AK2: variants seen among roughly 807,000 people sequenced by gnomAD.
The protein encoded by AK2 is adenylate kinase 2, mitochondrial.
Under a neutral mutation model 24.6 loss-of-function variants are expected in AK2, and 15 were observed. The observed-to-expected ratio is 0.61, with a 90% CI of 0.41 to 0.94. The LOEUF (loss-of-function observed/expected upper bound fraction) is 0.94, where lower values mean the gene tolerates loss of function less well. Among genes scored for constraint, AK2 ranks in the 40% least tolerant of loss-of-function variants. The probability of loss-of-function intolerance (pLI) is 0.00; values close to 1 mark genes in which losing one functional copy is unlikely to be tolerated. For missense variants in AK2, 257 were observed against 304.1 expected (o/e 0.85, Z 1.15); for synonymous variants, 102 against 114.0 (o/e 0.90, Z 0.67).
Position 33,011,911 on chromosome 1 carries a change from GT to G in AK2, c.*1269del. The G allele has an allele frequency of 6.5e-7, 1 of 1,532,116 alleles. No individual in the cohort carries two copies. The highest frequency in any genetic ancestry group is 8.7e-7 in the Non-Finnish European group (1 of 1,145,732). 94.9% of individuals were successfully genotyped at this position (1,532,116 alleles called of 1,614,324 possible). ...AAGGGTTGGATCTAGAAAGGAGAGGGTTTGGGCTTAAAAAGAACATATCTGA... is the reference window on the plus strand; with the variant it reads ...AAGGGTTGGATCTAGAAAGGAGAGGGTTGGGCTTAAAAAGAACATATCTGA... On this transcript the variant is annotated 3_prime_UTR_variant, in exon 6 of 6. Transcript: ENST00000672715.
At chr1:33,017,398 C>A (rs190003459) in intron 4 of AK2, among the ~76,000 whole-genome samples, 102 of 152,210 alleles carry the variant, frequency 6.7e-4, no homozygotes, top group Non-Finnish European at 1.1e-3. Context: ...CTGGGAGACC[C>A]AGGGAAAGGA....
At chr1:33,028,720 G>C (rs1312371949) in intron 1 of AK2, among the ~76,000 whole-genome samples, 3 of 152,076 alleles carry the variant, frequency 2.0e-5, no homozygotes, top group Admixed American at 6.6e-5. Context: ...AAAACTCTGT[G>C]GGGTGGAGGA....
intron 2 of AK2, among the ~76,000 whole-genome samples, chr1:33,022,985 G>A (rs1639650450): frequency 6.6e-6 from 1 of 152,082 alleles, no homozygotes; most frequent in Non-Finnish European, 1.5e-5. Context: ...TACATGAAGG[G>A]AAAACTAGAT....
In AK2 at chr1:33,021,703, C is replaced by T. The variant is rs1639569888; in HGVS notation, c.220G>A (p.Val74Met). ...LKATMDAGKL[V>M]SDEMVVELIE... ...AGCTCCACTACCATTTCATCACTCA[C>T]CTGGAAGTTAGGAACAAAATAGCCT... The change falls in exon 3 of 6, where the codon GTG (valine) becomes ATG (methionine). Residue 74 changes from valine (V) to methionine (M), a missense_variant and splice_region_variant. Val to Met is a conservative substitution (Grantham distance 21). Coordinates refer to ENST00000672715, the MANE Select transcript of AK2 (RefSeq NM_001625.4). The T allele has an allele frequency of 6.2e-7, 1 of 1,612,120 alleles. No individual in the cohort carries two copies. The highest frequency in any genetic ancestry group is 8.5e-7 in the Non-Finnish European group (1 of 1,178,172).
At position 33,024,555 on chromosome 1, in the gene AK2, C is replaced by T; in HGVS notation, c.106G>A (p.Ala36Thr). The T allele has an allele frequency of 6.2e-7, 1 of 1,614,118 alleles. No individual in the cohort carries two copies. The highest frequency in any genetic ancestry group is 1.7e-4 in the Middle Eastern group (1 of 6,060). The change falls in exon 2 of 6, where the codon GCT becomes ACT. Residue 36 changes from alanine (A) to threonine (T), a missense_variant. Ala to Thr is a moderately conservative substitution (Grantham distance 58). Transcript: ENST00000672715. ...AAATGGCAGACACAGAAGTTTTCAG[C>T]CAATCTGGGTGCCTACAGAGAGGAA... Reference protein sequence around the residue: ...AGKGTQAPRLAENFCVCHLAT... With the variant: ...AGKGTQAPRLTENFCVCHLAT...
chr1:33,012,231 C>T lies in AK2; in HGVS notation c.*950G>A, dbSNP rs1380186393. On this transcript the variant is annotated 3_prime_UTR_variant, in exon 6 of 6. Coordinates refer to ENST00000672715, the MANE Select transcript of AK2 (RefSeq NM_001625.4). ...ATTCCCAAATAATTGCTATTTTCAG[C>T]ATCATGATGCAGATCACAAAAATAT... 3.3e-6 allele frequency: 5 copies of T among 1,534,594 alleles called. No homozygotes were observed. The East Asian group carries it at 9.8e-5, about 30-fold the overall frequency.
At chr1:33,025,525 G>A (rs897220859) in intron 1 of AK2, among the ~76,000 whole-genome samples, 1 of 152,196 alleles carries the variant, frequency 6.6e-6, no homozygotes, top group Non-Finnish European at 1.5e-5. Flanking sequence ...GAAGGTAGCT[G>A]TGAGGATTAG....
Position 33,009,842 on chromosome 1 carries a change from T to G in AK2, c.*3339A>C. On this transcript the variant is annotated 3_prime_UTR_variant, in exon 6 of 6. Coordinates refer to ENST00000672715, the MANE Select transcript of AK2 (RefSeq NM_001625.4). Reference sequence around the variant, plus strand: ...GCTGCCAGCGACAAGAAAGGGCTTCTTTTCCTTCCAGCCAGGTCCAGAATT... The same window carrying G: ...GCTGCCAGCGACAAGAAAGGGCTTCGTTTCCTTCCAGCCAGGTCCAGAATT... The G allele has an allele frequency of 2.2e-6, 1 of 454,484 alleles. No homozygotes were observed. Among genetic ancestry groups the G allele is most frequent in the Non-Finnish European group, 4.4e-6 (1 of 226,788 alleles). 28.2% of individuals were successfully genotyped at this position (454,484 alleles called of 1,614,324 possible). A position where few individuals can be genotyped will look rare whatever the true frequency, so the allele number is the denominator to read the frequency against.
At chr1:33,016,276 GT>G (rs1639179591) in intron 4 of AK2, among the ~76,000 whole-genome samples, 1 of 152,052 alleles carries the variant, frequency 6.6e-6, no homozygotes, top group South Asian at 2.1e-4. Context: ...CAGTGGCGCG[GT>G]CTCTGCTCAC....
rs548243049 is a variant in AK2 at position 33,014,184 on chromosome 1, T to C, written c.498+338A>G. ...GTGCCACACTCTTCCCACTCTCCAA[T>C]TGTAGGCTTTTAAGAAAGCTTCTCC... On this transcript the variant is annotated intron_variant, in intron 5 of 5. Transcript: ENST00000672715. Among the ~76,000 whole-genome samples, 3 of 152,352 alleles carry C rather than the reference T, an allele frequency of 2.0e-5. No individual in the cohort carries two copies. In the East Asian group the frequency reaches 5.8e-4, roughly 29 times the overall value.
intron 4 of AK2, among the ~76,000 whole-genome samples, chr1:33,018,054 C>T (rs137986462): frequency 6.6e-6 from 1 of 152,334 alleles, no homozygotes; most frequent in Non-Finnish European, 1.5e-5. Flanking sequence ...GCATGAACCA[C>T]TGCGCCCAAC....
intron 1 of AK2, among the ~76,000 whole-genome samples, chr1:33,027,703 C>T (rs1275363072): frequency 7.4e-5 from 11 of 149,504 alleles, no homozygotes; most frequent in Admixed American, 3.4e-4. Context: ...GCGGAGATCG[C>T]GCCACTGTAC....
Position 33,021,416 on chromosome 1 carries a change from T to G in AK2, c.376A>C (p.Ile126Leu). ...AGAGAGTCTGGGATGCTGAATTCAA[T>G]CACAGAATCAAGCTTCTCTTTCCTC... The part of the protein sequence containing the change: ...EKRKEKLDSV[I>L]EFSIPDSLLI... Residue 126 changes from isoleucine (I) to leucine (L), a missense_variant, in exon 4 of 6, where the codon ATT (isoleucine) becomes CTT (leucine). Coordinates refer to ENST00000672715, the MANE Select transcript of AK2 (RefSeq NM_001625.4). 6.2e-7 allele frequency: 1 copy of G among 1,614,126 alleles called. No individual in the cohort carries two copies. The highest frequency in any genetic ancestry group is 8.5e-7 in the Non-Finnish European group (1 of 1,180,000).
In AK2 at chr1:33,028,505, A is replaced by G. The variant is rs564789416; in HGVS notation, c.94-3938T>C. On this transcript the variant is annotated intron_variant, in intron 1 of 5. Transcript: ENST00000672715. Reference sequence around the variant, plus strand: ...AACAAGAGTGAAACTCCGTCTCAAGAAAAAAAAAAAAAAATGCAGATTCTA... The same window carrying G: ...AACAAGAGTGAAACTCCGTCTCAAGGAAAAAAAAAAAAAATGCAGATTCTA... 4.9e-5 allele frequency among the ~76,000 whole-genome samples: 6 copies of G among 121,520 alleles called. No individual in the cohort carries two copies. The South Asian group carries it at 1.1e-3, about 22-fold the overall frequency. The allele number at this position is 121,520 out of a possible 152,430, so 79.7% of individuals were successfully genotyped here. A position where few individuals can be genotyped will look rare whatever the true frequency, so the allele number is the denominator to read the frequency against.
At chr1:33,025,999 A>G (rs1278563817) in intron 1 of AK2, among the ~76,000 whole-genome samples, 1 of 152,242 alleles carries the variant, frequency 6.6e-6, no homozygotes, top group Non-Finnish European at 1.5e-5. Flanking sequence ...TATACATGAG[A>G]ATGCAGAATT....
intron 1 of AK2, among the ~76,000 whole-genome samples, chr1:33,027,614 G>C (rs1457244688): frequency 1.3e-5 from 2 of 152,056 alleles, no homozygotes; most frequent in Non-Finnish European, 2.9e-5. Context: ...CAGGCGTGGT[G>C]GTGGGTGCTT....
At position 33,007,994 on chromosome 1, in the gene AK2, C is replaced by A. The variant is rs1444423415; in HGVS notation, c.*5187G>T. On this transcript the variant is annotated 3_prime_UTR_variant, in exon 6 of 6. Transcript: ENST00000672715. ...AATGCATGCAGAACCTCTCACACAG[C>A]TAAGAATTTAATATGTTAGACTATT... 6.6e-6 allele frequency: 3 copies of A among 453,596 alleles called. No homozygotes were observed. The highest frequency in any genetic ancestry group is 1.3e-5 in the Non-Finnish European group (3 of 226,702). The allele number at this position is 453,596 out of a possible 1,614,324, so 28.1% of individuals were successfully genotyped here. A position where few individuals can be genotyped will look rare whatever the true frequency, so the allele number is the denominator to read the frequency against.
chr1:33,014,809 C>G lies in AK2; in HGVS notation c.426-215G>C, dbSNP rs377559659. Among the ~76,000 whole-genome samples the G allele has an allele frequency of 3.5e-4, 53 of 152,324 alleles. No homozygotes were observed. In the South Asian group the frequency reaches 0.011, roughly 31 times the overall value. ...TTTGACCAAACATTATTATGAGTAT[C>G]TGGCTGAAGAGCAAACTGCTGGCAT... On this transcript the variant is annotated intron_variant, in intron 4 of 5. Transcript: ENST00000672715.
At position 33,012,243 on chromosome 1, in the gene AK2, G is replaced by T. The variant is rs753261736; in HGVS notation, c.*938C>A. 1.3e-5 allele frequency: 20 copies of T among 1,535,006 alleles called. No homozygotes were observed. In the South Asian group the frequency reaches 2.4e-4, roughly 18 times the overall value. On this transcript the variant is annotated 3_prime_UTR_variant, in exon 6 of 6. Transcript: ENST00000672715. ...TTGCTATTTTCAGCATCATGATGCA[G>T]ATCACAAAAATATTCCAATTTGGCC...
Sources: gnomAD v4.1 joint callset for allele counts (sites outside exome capture counted in the v4.1 genomes callset) on GRCh38, gnomAD v4.1.1 for gene constraint, MANE v1.5 for transcripts, NCBI Gene and HGNC (gene_info 2026-07-23, HGNC 2026-07-21) for gene names.